Variants in KDM6A observed in about 807,000 individuals in gnomAD.
KDM6A encodes lysine-specific demethylase 6A.
A neutral mutation model predicts 117.6 loss-of-function variants in KDM6A; 11 were observed. That is an observed-to-expected ratio of 0.09 (90% CI 0.06 to 0.15). The LOEUF (loss-of-function observed/expected upper bound fraction) is 0.15, where lower values mean the gene tolerates loss of function less well. Among genes scored for constraint, KDM6A ranks in the 10% least tolerant of loss-of-function variants. The probability of loss-of-function intolerance (pLI) is 1.00; values close to 1 mark genes in which losing one functional copy is unlikely to be tolerated. For missense variants in KDM6A, 799 were observed against 1,077.3 expected, an observed-to-expected ratio of 0.74 and a Z score of 3.62; for synonymous variants, 384 against 396.1, an observed-to-expected ratio of 0.97 and a Z score of 0.36.
chrX:45,070,774 A>G (rs186178647), intron 18 of KDM6A, among the ~76,000 whole-genome samples: 2 of 109,404 alleles, frequency 1.8e-5, no homozygotes, highest in African/African-American at 6.7e-5. Flanking sequence ...TCACTTATCA[A>G]GGCTAGTCTT....
At chrX:45,051,082 T>A (rs1387141527) in intron 8 of KDM6A, among the ~76,000 whole-genome samples, 1 of 111,659 alleles carries the variant, frequency 9.0e-6, no homozygotes, top group Non-Finnish European at 1.9e-5. Context: ...CAATCTCGGC[T>A]CACCGCAACC....
chrX:45,009,458 C>A (rs912104525), intron 4 of KDM6A, among the ~76,000 whole-genome samples: 6 of 111,476 alleles, frequency 5.4e-5, no homozygotes, highest in Non-Finnish European at 1.1e-4. Flanking sequence ...TTTACTGCAA[C>A]CTGTTTTTAT....
rs375622972 is a variant in KDM6A at position 45,082,623 on chromosome X, A to G, written c.3348A>G (p.Glu1116=). 2.1e-5 allele frequency: 25 copies of G among 1,191,105 alleles called. No homozygotes were observed. Among genetic ancestry groups the G allele is most frequent in the Non-Finnish European group, 2.8e-5 (25 of 877,564 alleles). The change falls in exon 22 of 30, where the codon GAA becomes GAG. Residue 1116 remains glutamate, a synonymous_variant. Transcript: ENST00000611820. ...RSHHKDHSDS[E]STSSDNSGRR... is the part of the protein sequence containing the mutation. ...ATCATAAAGACCACTCAGATAGTGA[A>G]TCTACATCGTCAGATAAGTAAGTCA...
At chrX:45,085,017 G>A (rs1287593927) in intron 24 of KDM6A, among the ~76,000 whole-genome samples, 1 of 111,582 alleles carries the variant, frequency 9.0e-6, no homozygotes, top group East Asian at 2.8e-4. Flanking sequence ...AGAACTATTG[G>A]TTATAATTGT....
chrX:44,993,126 G>A (rs2040702142), intron 4 of KDM6A, among the ~76,000 whole-genome samples: 1 of 111,451 alleles, frequency 9.0e-6, no homozygotes, highest in South Asian at 3.7e-4. Flanking sequence ...TGCAGAAATG[G>A]GGTTTGTAGA....
intron 2 of KDM6A, among the ~76,000 whole-genome samples, chrX:44,908,016 AG>A (rs1410593351): frequency 9.1e-6 from 1 of 110,317 alleles, no homozygotes; most frequent in Non-Finnish European, 1.9e-5. Context: ...TTATTGGGGT[AG>A]GGGAAAAAGT....
chrX:44,911,334 C>T (rs1316892823), intron 2 of KDM6A, among the ~76,000 whole-genome samples: 1 of 109,160 alleles, frequency 9.2e-6, no homozygotes, highest in Non-Finnish European at 1.9e-5. Context: ...GGCGGAGGGA[C>T]TCCTCACTTC....
intron 4 of KDM6A, among the ~76,000 whole-genome samples, chrX:44,992,565 T>A (rs1358513647): frequency 9.2e-6 from 1 of 109,117 alleles, no homozygotes; most frequent in Non-Finnish European, 1.9e-5. Flanking sequence ...ACTTTTTTTT[T>A]TTTGAGATGG....
Position 45,104,088 on chromosome X carries a change from G to T in KDM6A, c.4035-3322G>T, listed in dbSNP as rs750043643. Among the ~76,000 whole-genome samples the T allele has an allele frequency of 1.5e-3, 156 of 105,784 alleles. 1 individual carries two copies. Among genetic ancestry groups the T allele is most frequent in the African/African-American group, 5.2e-3 (150 of 28,650 alleles). The allele number at this position is 105,784 out of a possible 115,157, so 91.9% of individuals were successfully genotyped here. A position where few individuals can be genotyped will look rare whatever the true frequency, so the allele number is the denominator to read the frequency against. On this transcript the variant is annotated intron_variant, in intron 27 of 29. Transcript: ENST00000611820. ...TGCCCAGGCTGGAGTGCAATGGTGC[G>T]ATCTCGTCTCACCACAACCTCCACC... is the stretch of plus-strand genomic sequence containing the variant.
chrX:44,899,361 G>A (rs910955416), intron 2 of KDM6A, among the ~76,000 whole-genome samples: 2 of 107,622 alleles, frequency 1.9e-5, no homozygotes, highest in South Asian at 4.2e-4. Context: ...GTGGTGGGGG[G>A]TGTATGTGTT....
At chrX:44,901,274 G>A (rs1056494113) in intron 2 of KDM6A, among the ~76,000 whole-genome samples, 15 of 110,496 alleles carry the variant, frequency 1.4e-4, no homozygotes, top group South Asian at 3.8e-4. Flanking sequence ...TCAGCTGCTC[G>A]GGAGGCTGAG....
At chrX:44,995,606 G>A (rs753662983) in intron 4 of KDM6A, among the ~76,000 whole-genome samples, 11 of 109,885 alleles carry the variant, frequency 1.0e-4, no homozygotes, top group African/African-American at 3.7e-4. Flanking sequence ...CGAGTAGCTG[G>A]GACTAAGGCT....
At chrX:44,919,620 T>G (rs2035775273) in intron 2 of KDM6A, among the ~76,000 whole-genome samples, 2 of 109,068 alleles carry the variant, frequency 1.8e-5, no homozygotes, top group African/African-American at 6.8e-5. Context: ...TGTTTTCATT[T>G]ACATTCATTT....
chrX:44,907,774 T>A (rs1468336652), intron 2 of KDM6A, among the ~76,000 whole-genome samples: 15 of 69,970 alleles, frequency 2.1e-4, no homozygotes, highest in Admixed American at 1.5e-3. Context: ...TTTTTTTTTT[T>A]AAATTACCTG....
chrX:44,962,418 G>GGT (rs759606724), intron 3 of KDM6A, among the ~76,000 whole-genome samples: 2 of 111,813 alleles, frequency 1.8e-5, no homozygotes, highest in East Asian at 5.6e-4. Context: ...AAGGGGAGGA[G>GGT]GTGAGGGATG....
intron 2 of KDM6A, among the ~76,000 whole-genome samples, chrX:44,940,930 G>T (rs1396132294): frequency 9.0e-6 from 1 of 111,234 alleles, no homozygotes; most frequent in Non-Finnish European, 1.9e-5. Flanking sequence ...AGCTACTCGG[G>T]AGGCCGAGGG....
intron 28 of KDM6A, among the ~76,000 whole-genome samples, chrX:45,108,730 CAAT>C (rs1269165643): frequency 1.0e-5 from 1 of 98,749 alleles, no homozygotes; most frequent in Non-Finnish European, 2.0e-5. Flanking sequence ...AAATGTCCAA[CAAT>C]GATAGACTGG....
At chrX:44,943,856 A>G (rs777278025) in intron 2 of KDM6A, among the ~76,000 whole-genome samples, 8 of 111,833 alleles carry the variant, frequency 7.2e-5, no homozygotes, top group Non-Finnish European at 1.3e-4. Context: ...TTAACTTTAT[A>G]TTTAACTGCC....
intron 27 of KDM6A, among the ~76,000 whole-genome samples, chrX:45,098,858 T>A (rs2046218943): frequency 8.9e-6 from 1 of 111,998 alleles, no homozygotes; most frequent in Admixed American, 9.5e-5. Context: ...TTTTCTAGGT[T>A]AATATATCTA....
Sources: gnomAD v4.1 joint callset for allele counts (sites outside exome capture counted in the v4.1 genomes callset) on GRCh38, gnomAD v4.1.1 for gene constraint, MANE v1.5 for transcripts, NCBI Gene and HGNC (gene_info 2026-07-23, HGNC 2026-07-21) for gene names.